Variants in PDCD6IP observed in about 807,000 individuals in gnomAD.
PDCD6IP encodes the protein programmed cell death 6-interacting protein.
A neutral mutation model predicts 103.7 loss-of-function variants in PDCD6IP; 43 were observed. That is an observed-to-expected ratio of 0.41 (90% CI 0.32 to 0.53). The LOEUF is 0.53. Among genes scored for constraint, PDCD6IP ranks in the 20% least tolerant of loss-of-function variants. The probability of loss-of-function intolerance (pLI) is 0.16; values close to 1 mark genes in which losing one functional copy is unlikely to be tolerated. For missense variants in PDCD6IP, 871 were observed against 1,036.7 expected (o/e 0.84, Z 2.20); for synonymous variants, 354 against 378.7 (o/e 0.93, Z 0.76).
At chr3:33,808,570 C>T (rs1235807608) in intron 1 of PDCD6IP, among the ~76,000 whole-genome samples, 5 of 152,180 alleles carry the variant, frequency 3.3e-5, no homozygotes, top group Admixed American at 6.5e-5. Context: ...TGAGCCACAG[C>T]GCCTGGCCTA....
chr3:33,817,237 C>G (rs530736618), intron 3 of PDCD6IP, among the ~76,000 whole-genome samples: 4 of 152,268 alleles, frequency 2.6e-5, no homozygotes, highest in South Asian at 2.1e-4. Flanking sequence ...AATTCCTCCT[C>G]CCTCGAGTTG....
intron 1 of PDCD6IP, 25 bp downstream of exon 1, chr3:33,798,962 A>G (rs1239734616): frequency 2.7e-6 from 4 of 1,499,170 alleles, no homozygotes; most frequent in Admixed American, 2.1e-5. Context: ...GGGAGTGGGT[A>G]GGTTGTCTGC....
chr3:33,828,850 C>G lies in PDCD6IP; in HGVS notation c.718-3C>G, dbSNP rs776091688. 1 of 1,612,544 alleles carries G rather than the reference C, an allele frequency of 6.2e-7. No homozygotes were observed. The highest frequency in any genetic ancestry group is 8.5e-7 in the Non-Finnish European group (1 of 1,178,992). Reference sequence around the variant, plus strand: ...CTCCCCTGGTCAGTATTTTTATTTCCAGGAGGTGTTCCCTGTCTTGGCTGC... The same window carrying G: ...CTCCCCTGGTCAGTATTTTTATTTCGAGGAGGTGTTCCCTGTCTTGGCTGC... On this transcript the variant is annotated splice_polypyrimidine_tract_variant and splice_region_variant and intron_variant, in intron 6 of 17. Coordinates refer to ENST00000307296, the MANE Select transcript of PDCD6IP (RefSeq NM_013374.6).
intron 3 of PDCD6IP, among the ~76,000 whole-genome samples, chr3:33,815,212 T>C (rs951783791): frequency 6.6e-6 from 1 of 151,376 alleles, no homozygotes; most frequent in African/African-American, 2.4e-5. Flanking sequence ...ATTATTGTTA[T>C]GGCTTGTAAC....
intron 7 of PDCD6IP, among the ~76,000 whole-genome samples, chr3:33,835,484 A>C (rs1244151880): frequency 6.6e-6 from 1 of 152,196 alleles, no homozygotes; most frequent in Admixed American, 6.5e-5. Flanking sequence ...TGGGAAGCTG[A>C]GTTGGGCAGA....
chr3:33,852,287 T>C (rs1260709580), intron 12 of PDCD6IP, among the ~76,000 whole-genome samples: 2 of 152,352 alleles, frequency 1.3e-5, no homozygotes, highest in East Asian at 3.9e-4. Context: ...GCTATTGTTA[T>C]TAATGCTGCT....
chr3:33,826,742 A>G (rs1697135948), intron 6 of PDCD6IP, 162 bp downstream of exon 6: 5 of 1,350,368 alleles, frequency 3.7e-6, no homozygotes, highest in South Asian at 3.3e-5. Context: ...TTAATTTAAG[A>G]TGCATGAACA....
chr3:33,852,148 C>G (rs568088643), intron 12 of PDCD6IP, among the ~76,000 whole-genome samples: 1 of 152,274 alleles, frequency 6.6e-6, no homozygotes, highest in Non-Finnish European at 1.5e-5. Flanking sequence ...CTCGTTATCC[C>G]TATCTTTGGA....
chr3:33,803,704 C>T (rs1183474831), intron 1 of PDCD6IP, among the ~76,000 whole-genome samples: 1 of 150,802 alleles, frequency 6.6e-6, no homozygotes, highest in Admixed American at 6.6e-5. Context: ...GTGTGATTTT[C>T]CTCCCTCAGA....
At chr3:33,861,774 T>A (rs1297923147) in intron 15 of PDCD6IP, among the ~76,000 whole-genome samples, 1 of 152,244 alleles carries the variant, frequency 6.6e-6, no homozygotes, top group African/African-American at 2.4e-5. Context: ...ATTTTCCTGA[T>A]GACTAATATG....
rs183126749 is a variant in PDCD6IP at position 33,865,183 on chromosome 3, T to G, written c.2245-60T>G. On this transcript the variant is annotated intron_variant, in intron 16 of 17. Coordinates refer to ENST00000307296, the MANE Select transcript of PDCD6IP (RefSeq NM_013374.6). ...CTCATATGTCCTTATTAATTTTAAT[T>G]AATAGCAATTTGAGAGAAATATGAA... The G allele has an allele frequency of 1.6e-4, 190 of 1,194,074 alleles. No individual in the cohort carries two copies. In the African/African-American group the frequency reaches 2.6e-3, roughly 17 times the overall value. The allele number at this position is 1,194,074 out of a possible 1,614,324, so 74.0% of individuals were successfully genotyped here. A position where few individuals can be genotyped will look rare whatever the true frequency, so the allele number is the denominator to read the frequency against.
chr3:33,850,616 C>T (rs966174646), intron 12 of PDCD6IP, among the ~76,000 whole-genome samples: 2 of 152,126 alleles, frequency 1.3e-5, no homozygotes, highest in African/African-American at 4.8e-5. Context: ...TTCTGTCTTA[C>T]TCAAATTGCA....
intron 1 of PDCD6IP, among the ~76,000 whole-genome samples, chr3:33,805,182 C>T (rs1696565631): frequency 1.3e-5 from 2 of 152,022 alleles, no homozygotes; most frequent in Admixed American, 1.3e-4. Flanking sequence ...TGGTGAAACA[C>T]TGTCTCTACT....
intron 1 of PDCD6IP, among the ~76,000 whole-genome samples, chr3:33,801,810 C>T (rs564008957): frequency 9.2e-5 from 14 of 152,282 alleles, no homozygotes; most frequent in African/African-American, 3.4e-4. Context: ...CATTTACCAG[C>T]ATTGTGTAAT....
At chr3:33,819,575 G>A (rs1166334344) in intron 3 of PDCD6IP, among the ~76,000 whole-genome samples, 3 of 152,198 alleles carry the variant, frequency 2.0e-5, no homozygotes, top group Non-Finnish European at 4.4e-5. Context: ...TGGTTTGGAA[G>A]CAAGTTGAAA....
intron 15 of PDCD6IP, among the ~76,000 whole-genome samples, chr3:33,858,704 A>G (rs1432312625): frequency 2.0e-5 from 3 of 151,670 alleles, no homozygotes; most frequent in Non-Finnish European, 4.4e-5. Flanking sequence ...CAGCTACTCG[A>G]GAGGCTGAGA....
intron 4 of PDCD6IP, 150 bp from the exon 5 acceptor site, chr3:33,825,037 G>T: frequency 3.1e-6 from 2 of 650,058 alleles, no homozygotes; most frequent in East Asian, 2.8e-5. Context: ...TTGTCTGTAG[G>T]TCAGATGTTT....
At chr3:33,826,709 G>A in intron 6 of PDCD6IP, 129 bp downstream of exon 6, 1 of 1,343,020 alleles carries the variant, frequency 7.4e-7, no homozygotes, top group Non-Finnish European at 9.8e-7. Context: ...GAAGTATATA[G>A]TAGAAATAGT....
At chr3:33,820,679 A>T (rs1180521621) in intron 3 of PDCD6IP, among the ~76,000 whole-genome samples, 1 of 152,172 alleles carries the variant, frequency 6.6e-6, no homozygotes, top group Non-Finnish European at 1.5e-5. Context: ...TGTGACTGAC[A>T]TTTCATTTAG....
Sources: gnomAD v4.1 joint callset for allele counts (sites outside exome capture counted in the v4.1 genomes callset) on GRCh38, gnomAD v4.1.1 for gene constraint, MANE v1.5 for transcripts, NCBI Gene and HGNC (gene_info 2026-07-23, HGNC 2026-07-21) for gene names.